The following ABL1 variants were observed in gnomAD, a reference collection of about 807,000 sequenced individuals.
ABL1 encodes the protein ABL proto-oncogene 1, non-receptor tyrosine kinase, also known as tyrosine-protein kinase ABL1.
ABL1 carries 11 observed loss-of-function variants against 94.7 expected under a neutral mutation model. The ratio of observed to expected loss-of-function variants is 0.12; its 90% confidence interval spans 0.07 to 0.19. The LOEUF is 0.19. ABL1 is among the 10% of genes least tolerant of loss of function. ABL1 has a pLI of 1.00. For synonymous variants in ABL1, 656 were observed against 622.4 expected (o/e 1.05, Z -0.80); for missense variants, 1,082 against 1,489.4 (o/e 0.73, Z 4.50).
chr9:130,838,792 ATG>A (rs1349781352), intron 1 of ABL1, among the ~76,000 whole-genome samples: 3 of 152,196 alleles, frequency 2.0e-5, no homozygotes, highest in Non-Finnish European at 4.4e-5. Context: ...TCATTTGTTC[ATG>A]TGTTTGTATT....
intron 1 of ABL1, among the ~76,000 whole-genome samples, chr9:130,828,017 C>G (rs1421643761): frequency 6.7e-6 from 1 of 149,942 alleles, no homozygotes; most frequent in Non-Finnish European, 1.5e-5. Context: ...TTGCAAATGT[C>G]AGAAAACAGG....
At position 130,885,584 on chromosome 9, in the gene ABL1, G is replaced by T; in HGVS notation, c.3294G>T (p.Gln1098His). The T allele has an allele frequency of 1.2e-6, 2 of 1,613,880 alleles. No homozygotes were observed. The highest frequency in any genetic ancestry group is 1.7e-6 in the Non-Finnish European group (2 of 1,180,040). Residue 1098 changes from glutamine to histidine, a missense_variant, in exon 11 of 11, where the codon CAG becomes CAT. By Grantham distance (24) the Gln-to-His change is conservative (BLOSUM62 0). Transcript: ENST00000318560. ...TGGAGAATAATCTCCGGGAGCTTCA[G>T]ATCTGCCCGGCGACAGCAGGCAGTG... Reference protein sequence around the residue: ...NKLENNLRELQICPATAGSGP... With the variant: ...NKLENNLRELHICPATAGSGP...
At chr9:130,876,250 A>C (rs1002272204) in intron 7 of ABL1, among the ~76,000 whole-genome samples, 2 of 152,104 alleles carry the variant, frequency 1.3e-5, no homozygotes, top group Admixed American at 1.3e-4. Flanking sequence ...GAATTCTCTA[A>C]TTCTGTCATT....
At chr9:130,742,658 T>A (rs746180116) in intron 1 of ABL1, among the ~76,000 whole-genome samples, 7 of 152,236 alleles carry the variant, frequency 4.6e-5, no homozygotes, top group Non-Finnish European at 8.8e-5. Flanking sequence ...AGTTTGGGGT[T>A]CAGTAGCTCA....
At chr9:130,799,193 G>T (rs941347892) in intron 1 of ABL1, among the ~76,000 whole-genome samples, 1 of 152,178 alleles carries the variant, frequency 6.6e-6, no homozygotes, top group Non-Finnish European at 1.5e-5. Context: ...TTGGAGCAGC[G>T]TTTGGCCTCT....
chr9:130,843,065 A>G (rs1588262980), intron 1 of ABL1, among the ~76,000 whole-genome samples: 1 of 152,166 alleles, frequency 6.6e-6, no homozygotes, highest in Non-Finnish European at 1.5e-5. Context: ...CAACTTTACT[A>G]TCTGTCATTA....
rs1379770472 is a variant in ABL1, at chr9:130,880,832, A to G, written c.1678+168A>G. Reference sequence around the variant, plus strand: ...GAAGGAGGAAGGTTCTCCTCTCCCCACCTGCCTCCTATCCCCTCCCTCTGA... The same window carrying G: ...GAAGGAGGAAGGTTCTCCTCTCCCCGCCTGCCTCCTATCCCCTCCCTCTGA... On this transcript the variant is annotated intron_variant, in intron 10 of 10. Coordinates refer to ENST00000318560, the MANE Select transcript of ABL1 (RefSeq NM_005157.6). The surrounding 1 kb of genome is among the most constrained non-coding windows in gnomAD (Gnocchi z 4.4). Among the ~76,000 whole-genome samples the G allele has an allele frequency of 2.6e-5, 4 of 152,162 alleles. No homozygotes were observed. The highest frequency in any genetic ancestry group is 5.9e-5 in the Non-Finnish European group (4 of 68,020).
At chr9:130,768,492 C>A (rs1304722369) in intron 1 of ABL1, among the ~76,000 whole-genome samples, 2 of 152,186 alleles carry the variant, frequency 1.3e-5, no homozygotes, top group Non-Finnish European at 2.9e-5. Flanking sequence ...CTGATGACCA[C>A]CCTGCCCCCA....
intron 1 of ABL1, among the ~76,000 whole-genome samples, chr9:130,798,682 G>T (rs1830012470): frequency 6.6e-6 from 1 of 151,902 alleles, no homozygotes; most frequent in African/African-American, 2.4e-5. Context: ...GGAATTGGAA[G>T]GGGGGGCCGG....
intron 1 of ABL1, among the ~76,000 whole-genome samples, chr9:130,720,417 C>G (rs1234070393): frequency 6.6e-6 from 1 of 152,134 alleles, no homozygotes; most frequent in Non-Finnish European, 1.5e-5. Context: ...GAAAGAATTT[C>G]AGGCCGAGGG....
intron 1 of ABL1, among the ~76,000 whole-genome samples, chr9:130,798,233 A>C (rs1243996692): frequency 6.6e-6 from 1 of 152,114 alleles, no homozygotes; most frequent in Non-Finnish European, 1.5e-5. Context: ...ATTTCTTTCC[A>C]CATTGCAGTT....
intron 1 of ABL1, among the ~76,000 whole-genome samples, chr9:130,853,170 CTTTTTT>C (rs11418318): frequency 0.017 from 1,290 of 75,356 alleles, 10 homozygotes; most frequent in Non-Finnish European, 0.023. Flanking sequence ...TTTGACTTTT[CTTTTTT>C]TTTTTTTTTT....
chr9:130,717,938 C>T (rs992457381), intron 1 of ABL1, among the ~76,000 whole-genome samples: 5 of 151,426 alleles, frequency 3.3e-5, no homozygotes, highest in African/African-American at 4.9e-5. Flanking sequence ...GCTTGAACCC[C>T]GGAGCGGAGG....
intron 1 of ABL1, among the ~76,000 whole-genome samples, chr9:130,751,030 C>T (rs1831958314): frequency 6.7e-6 from 1 of 150,280 alleles, no homozygotes; most frequent in Admixed American, 6.6e-5. Flanking sequence ...GAAATTTTAA[C>T]CTTTGCTAAA....
In ABL1 at chr9:130,876,422, T is replaced by C. The variant is rs535107957; in HGVS notation, c.1270+1370T>C. 2.7e-4 allele frequency among the ~76,000 whole-genome samples: 41 copies of C among 151,956 alleles called. 1 individual carries two copies. The South Asian group carries it at 8.1e-3, about 30-fold the overall frequency. ...ACAAATTACTTTTTCTTTTTTTTTT[T>C]TGGAGCCAGAGTCTTGCTTTTTCTG... On this transcript the variant is annotated intron_variant, in intron 7 of 10. Transcript: ENST00000318560.
chr9:130,807,160 G>C (rs1830136388), intron 1 of ABL1, among the ~76,000 whole-genome samples: 3 of 151,238 alleles, frequency 2.0e-5, no homozygotes, highest in South Asian at 4.2e-4. Flanking sequence ...AAAAAAAAAA[G>C]TTTGCTTTTA....
intron 1 of ABL1, among the ~76,000 whole-genome samples, chr9:130,732,800 C>T (rs900930772): frequency 2.0e-5 from 3 of 151,288 alleles, no homozygotes; most frequent in African/African-American, 7.3e-5. Flanking sequence ...TCACTGTGTC[C>T]GTCTGTTCTT....
chr9:130,829,251 G>T (rs1431064873), intron 1 of ABL1, among the ~76,000 whole-genome samples: 1 of 152,128 alleles, frequency 6.6e-6, no homozygotes, highest in African/African-American at 2.4e-5. Flanking sequence ...CCAGCAAAAT[G>T]AAGAAGTCAG....
intron 1 of ABL1, among the ~76,000 whole-genome samples, chr9:130,843,242 GTC>G (rs1477260055): frequency 6.6e-6 from 1 of 152,074 alleles, no homozygotes; most frequent in Non-Finnish European, 1.5e-5. Context: ...GAGAGACTTG[GTC>G]TCTACCCCAG....
Sources: allele counts gnomAD v4.1 joint callset (sites outside exome capture counted in the v4.1 genomes callset), GRCh38; gene constraint gnomAD v4.1.1; non-coding constraint Gnocchi (gnomAD v3.1); transcripts MANE v1.5; gene names NCBI Gene and HGNC (gene_info 2026-07-23, HGNC 2026-07-21).